The following GPR146 variants were observed in gnomAD, a reference collection of about 807,000 sequenced individuals.
GPR146 encodes the protein G protein-coupled receptor 146.
For synonymous variants in GPR146, 203 were observed against 104.3 expected (o/e 1.95, Z -5.77); for missense variants, 381 against 213.9 (o/e 1.78, Z -4.87).
rs1782398842 is a variant in GPR146, at chr7:1,044,622, C to CCGG, written c.-55_-53dup. The CCGG allele has an allele frequency of 6.6e-6, 1 of 151,492 alleles. No individual in the cohort carries two copies. Among genetic ancestry groups the CCGG allele is most frequent in the Admixed American group, 6.6e-5 (1 of 15,204 alleles). The allele number at this position is 151,492 out of a possible 1,614,324, so 9.4% of individuals were successfully genotyped here. ...GCCTCCGCCAGCCCGAGCTGCCCGC[C>CCGG]CGGCGGCGACTGCGCCGGCCGCCGC... On this transcript the variant is annotated 5_prime_UTR_variant, in exon 1 of 2. Transcript: ENST00000444847.
intron 1 of GPR146, chr7:1,055,588 A>G (rs534558074): frequency 1.1e-4 from 40 of 377,404 alleles, no homozygotes; most frequent in African/African-American, 5.0e-4. Context: ...CAGGTGGGAG[A>G]GAGGACGCAG....
chr7:1,057,364 A>C, intron 1 of GPR146, 128 bp from the exon 2 acceptor site: 1 of 594,662 alleles, frequency 1.7e-6, no homozygotes. Context: ...AAATGCACCA[A>C]AGGCAGCCTC....
At position 1,052,228 on chromosome 7, in the gene GPR146, G is replaced by C. The variant is rs1000911510; in HGVS notation, c.-24-5264G>C. 6.6e-6 allele frequency among the ~76,000 whole-genome samples: 1 copy of C among 152,248 alleles called. No homozygotes were observed. The highest frequency in any genetic ancestry group is 1.5e-5 in the Non-Finnish European group (1 of 68,040). On this transcript the variant is annotated intron_variant, in intron 1 of 1. Transcript: ENST00000444847. This position sits in a 1 kb window ranked among gnomAD's most constrained non-coding sequence, Gnocchi z 4.2. ...CAGGCTGAGTGGGTGAGGAGCCTCT[G>C]AGCAGGCGCCTGCGTCGAGGCGTGC...
chr7:1,049,988 C>T (rs1180717179), intron 1 of GPR146, among the ~76,000 whole-genome samples: 3 of 152,194 alleles, frequency 2.0e-5, no homozygotes, highest in Non-Finnish European at 2.9e-5. Context: ...CCCACACTGT[C>T]GGCCCCCAAA....
At chr7:1,053,747 A>T (rs1352218545) in intron 1 of GPR146, among the ~76,000 whole-genome samples, 1 of 152,178 alleles carries the variant, frequency 6.6e-6, no homozygotes, top group African/African-American at 2.4e-5. Context: ...GAATCGCTTG[A>T]ACCCGGGAGG....
intron 1 of GPR146, chr7:1,056,175 C>G (rs1783740506): frequency 6.4e-6 from 1 of 156,364 alleles, no homozygotes; most frequent in Non-Finnish European, 1.4e-5. Context: ...ACCAACATCC[C>G]CCAGATTGCT....
At chr7:1,050,401 A>C (rs1256173205) in intron 1 of GPR146, among the ~76,000 whole-genome samples, 1 of 152,256 alleles carries the variant, frequency 6.6e-6, no homozygotes, top group Non-Finnish European at 1.5e-5. Flanking sequence ...GCCAACAGGG[A>C]CAGCTGCCCA....
chr7:1,054,171 T>C (rs1412411218), intron 1 of GPR146, among the ~76,000 whole-genome samples: 2 of 152,152 alleles, frequency 1.3e-5, no homozygotes, highest in Non-Finnish European at 2.9e-5. Flanking sequence ...GATCTCCAGG[T>C]AATGCCTGGT....
intron 1 of GPR146, among the ~76,000 whole-genome samples, chr7:1,050,325 T>C (rs1782980461): frequency 6.6e-6 from 1 of 152,188 alleles, no homozygotes; most frequent in Admixed American, 6.5e-5. Flanking sequence ...CCCCAGGGCA[T>C]TTGCTCAGGC....
At chr7:1,054,628 G>C (rs998132392) in intron 1 of GPR146, among the ~76,000 whole-genome samples, 1 of 152,184 alleles carries the variant, frequency 6.6e-6, no homozygotes, top group Non-Finnish European at 1.5e-5. Flanking sequence ...GCCTCACGGC[G>C]GGGCAGGCAT....
Position 1,057,977 on chromosome 7 carries a change from C to A in GPR146, c.462C>A (p.Gly154=). The A allele has an allele frequency of 1.3e-6, 1 of 770,922 alleles. No individual in the cohort carries two copies. 47.8% of individuals were successfully genotyped at this position (770,922 alleles called of 1,614,324 possible). A position where few individuals can be genotyped will look rare whatever the true frequency, so the allele number is the denominator to read the frequency against. The change falls in exon 2 of 2, where the codon GGC becomes GGA. Residue 154 remains glycine (G), a synonymous_variant. Coordinates refer to ENST00000444847, the MANE Select transcript of GPR146 (RefSeq NM_001303473.2). ...TRHVCGFVWG[G]ALLTSFSSLL... ...ACGTGTGCGGCTTCGTGTGGGGTGG[C>A]GCGCTGCTGACCAGCTTCTCCTCGC...
chr7:1,053,838 A>G (rs1277275512), intron 1 of GPR146, among the ~76,000 whole-genome samples: 1 of 152,138 alleles, frequency 6.6e-6, no homozygotes, highest in Admixed American at 6.5e-5. Context: ...AAAAAACAAA[A>G]ACAAAACCAA....
At chr7:1,046,318 T>C (rs1383973262) in intron 1 of GPR146, among the ~76,000 whole-genome samples, 1 of 152,172 alleles carries the variant, frequency 6.6e-6, no homozygotes, top group Admixed American at 6.5e-5. Flanking sequence ...AAGGAAATTA[T>C]CACCCAGAGA....
In GPR146 at chr7:1,058,149, C is replaced by T. The variant is rs748627577; in HGVS notation, c.634C>T (p.Arg212Cys). Reference sequence around the variant, plus strand: ...CCTCTACGCGCTGGTGCTACTCTCCCGCGTCCGCAGGGAGGACACGCCCCT... The same window carrying T: ...CCTCTACGCGCTGGTGCTACTCTCCTGCGTCCGCAGGGAGGACACGCCCCT... ...ATLYALVLLS[R>C]VRREDTPLDR... The change falls in exon 2 of 2, where the codon CGC (arginine) becomes TGC (cysteine). Residue 212 changes from arginine to cysteine, a missense_variant. By Grantham distance (180) the Arg-to-Cys change is radical (BLOSUM62 -3). Coordinates refer to ENST00000444847, the MANE Select transcript of GPR146 (RefSeq NM_001303473.2). 6.6e-5 allele frequency: 49 copies of T among 740,274 alleles called. No homozygotes were observed. Among genetic ancestry groups the T allele is most frequent in the African/African-American group, 3.4e-5 (2 of 58,754 alleles). 45.9% of individuals were successfully genotyped at this position (740,274 alleles called of 1,614,324 possible).
At chr7:1,055,499 G>A in intron 1 of GPR146, 2 of 453,426 alleles carry the variant, frequency 4.4e-6, no homozygotes, top group South Asian at 3.1e-5. Flanking sequence ...AGCCTGTGGT[G>A]CCCGCAGGTG....
At position 1,057,800 on chromosome 7, in the gene GPR146, G is replaced by T. The variant is rs1395543921; in HGVS notation, c.285G>T (p.Trp95Cys). Residue 95 changes from tryptophan to cysteine, a missense_variant, in exon 2 of 2, where the codon TGG (tryptophan) becomes TGT (cysteine). Trp to Cys is a radical substitution (Grantham distance 215). Coordinates refer to ENST00000444847, the MANE Select transcript of GPR146 (RefSeq NM_001303473.2). ...LGPPSSRWAL[W>C]SVGGEVHVAL... ...CCCCGAGCTCCCGGTGGGCGCTGTG[G>T]AGTGTGGGCGGCGAAGTCCACGTGG... The T allele has an allele frequency of 1.3e-6, 1 of 776,126 alleles. No homozygotes were observed. The highest frequency in any genetic ancestry group is 1.7e-5 in the African/African-American group (1 of 59,084). The allele number at this position is 776,126 out of a possible 1,614,324, so 48.1% of individuals were successfully genotyped here. A position where few individuals can be genotyped will look rare whatever the true frequency, so the allele number is the denominator to read the frequency against.
At chr7:1,046,733 T>C (rs946424534) in intron 1 of GPR146, among the ~76,000 whole-genome samples, 1 of 152,194 alleles carries the variant, frequency 6.6e-6, no homozygotes, top group African/African-American at 2.4e-5. Context: ...CAGGTGTCTG[T>C]TCATCCCCAC....
chr7:1,053,439 T>C (rs1478230832), intron 1 of GPR146, among the ~76,000 whole-genome samples: 5 of 152,336 alleles, frequency 3.3e-5, no homozygotes, highest in East Asian at 3.9e-4. Flanking sequence ...ACGAGTCTCC[T>C]GTGACCAGGA....
intron 1 of GPR146, among the ~76,000 whole-genome samples, chr7:1,046,270 T>G (rs1357508549): frequency 6.6e-6 from 1 of 152,220 alleles, no homozygotes; most frequent in East Asian, 1.9e-4. Flanking sequence ...CCGCCTGGCC[T>G]TTAATGACCC....
Sources: gnomAD v4.1 joint callset for allele counts (sites outside exome capture counted in the v4.1 genomes callset) on GRCh38, gnomAD v4.1.1 for gene constraint, Gnocchi (gnomAD v3.1) non-coding constraint, MANE v1.5 for transcripts, NCBI Gene and HGNC (gene_info 2026-07-23, HGNC 2026-07-21) for gene names.